Variants in HHAT observed in about 807,000 individuals in gnomAD.
HHAT encodes the protein protein-cysteine N-palmitoyltransferase HHAT.
In HHAT, 47 loss-of-function variants were observed where a neutral mutation model predicts 70.8. The ratio of observed to expected loss-of-function variants is 0.66; its 90% confidence interval spans 0.53 to 0.85. The LOEUF is 0.85. Among genes scored for constraint, HHAT ranks in the 40% least tolerant of loss-of-function variants. The pLI is 0.00. For missense variants in HHAT, 609 were observed against 604.8 expected (o/e 1.01, Z -0.07); for synonymous variants, 228 against 247.6 (o/e 0.92, Z 0.74).
At chr1:210,487,607 T>C (rs1423886690) in intron 8 of HHAT, among the ~76,000 whole-genome samples, 1 of 152,212 alleles carries the variant, frequency 6.6e-6, no homozygotes, top group African/African-American at 2.4e-5. Flanking sequence ...GATCCAGAGA[T>C]GCTGGTGAAG....
intron 6 of HHAT, 83 bp downstream of exon 6, chr1:210,404,762 CG>C: frequency 8.7e-7 from 1 of 1,152,874 alleles, no homozygotes; most frequent in Non-Finnish European, 1.2e-6. Flanking sequence ...ACTCTTGAGT[CG>C]TTTTGTTCAG....
chr1:210,479,283 T>C (rs1036809788), intron 8 of HHAT, among the ~76,000 whole-genome samples: 2 of 152,204 alleles, frequency 1.3e-5, no homozygotes, highest in Non-Finnish European at 2.9e-5. Flanking sequence ...GGAGTATTTA[T>C]TGAGCACCTA....
At chr1:210,519,530 T>A (rs555418061) in intron 9 of HHAT, among the ~76,000 whole-genome samples, 12,320 of 147,718 alleles carry the variant, frequency 0.083, 1,274 homozygotes, top group East Asian at 0.31. Flanking sequence ...TTCTTTGCTT[T>A]TTTTTTTTTT....
intron 10 of HHAT, among the ~76,000 whole-genome samples, chr1:210,609,428 A>T (rs1032825005): frequency 6.6e-6 from 1 of 151,780 alleles, no homozygotes; most frequent in Non-Finnish European, 1.5e-5. Flanking sequence ...ATGGTGTGTT[A>T]ATTCTTGCAA....
At chr1:210,520,657 T>G (rs11119522) in intron 9 of HHAT, among the ~76,000 whole-genome samples, 97,405 of 151,970 alleles carry the variant, frequency 0.64, 33,126 homozygotes, top group Non-Finnish European at 0.77. Flanking sequence ...CCTCCTCCCA[T>G]TGTCTCTGAA....
intron 11 of HHAT, among the ~76,000 whole-genome samples, chr1:210,633,815 C>T (rs892310267): frequency 1.2e-4 from 18 of 152,150 alleles, no homozygotes; most frequent in African/African-American, 4.3e-4. Context: ...AAGCCTTTGT[C>T]CCCTGGGCGC....
At chr1:210,490,931 T>C (rs994356423) in intron 8 of HHAT, among the ~76,000 whole-genome samples, 2 of 152,060 alleles carry the variant, frequency 1.3e-5, no homozygotes, top group Non-Finnish European at 2.9e-5. Flanking sequence ...TAACACATTG[T>C]AAGGAGCATA....
rs558534018 is a variant in HHAT, at chr1:210,543,946, G to T, written c.1043+30758G>T. On this transcript the variant is annotated intron_variant, in intron 9 of 11. Transcript: ENST00000261458. ...CTCCACCTTCCACATAATCTAGATA[G>T]CTGAAGCAGTTCTTGGTCCCAGAAC... Among the ~76,000 whole-genome samples the T allele has an allele frequency of 2.0e-5, 3 of 152,262 alleles. No individual in the cohort carries two copies. The East Asian group carries it at 5.8e-4, about 29-fold the overall frequency.
intron 5 of HHAT, among the ~76,000 whole-genome samples, chr1:210,402,104 A>G (rs184071422): frequency 2.6e-5 from 4 of 152,300 alleles, no homozygotes; most frequent in African/African-American, 7.2e-5. Context: ...GTCTGTGTGG[A>G]ACTCTCAACC....
intron 9 of HHAT, among the ~76,000 whole-genome samples, chr1:210,540,594 AAC>A (rs1260084421): frequency 6.6e-6 from 1 of 151,778 alleles, no homozygotes; most frequent in Non-Finnish European, 1.5e-5. Context: ...ATATATAGAA[AAC>A]ACACACTATG....
At position 210,400,614 on chromosome 1, in the gene HHAT, T is replaced by TCTC. The variant is rs745389003; in HGVS notation, c.430_432dup (p.Leu144dup). The TCTC allele has an allele frequency of 6.2e-7, 1 of 1,614,046 alleles. No individual in the cohort carries two copies. On this transcript the variant is annotated inframe_insertion, in exon 5 of 12. Transcript: ENST00000261458. ...CTCAGCTCCTGACGTGGCTCTGTTC[T>TCTC]CTCCTCCTCCTCTCCACACTGAGGC...
Position 210,588,033 on chromosome 1 carries a change from G to A in HHAT, c.1179G>A (p.Trp393Ter), listed in dbSNP as rs745572125. ...TCTGGTGCTGGGCAGCGCTCAACTG[G>A]CTGGGAGTCACTGTGGAGAATGGAG... ...DYLWCWAALN[W>*]LGVTVENGVR... The change falls in exon 10 of 12, where the codon TGG becomes TGA. Residue 393 changes from tryptophan (W) to a stop codon, truncating the protein, a stop_gained. Coordinates refer to ENST00000261458, the MANE Select transcript of HHAT (RefSeq NM_018194.6). LOFTEE classifies it high-confidence loss of function. The A allele has an allele frequency of 1.9e-6, 3 of 1,613,764 alleles. No individual in the cohort carries two copies. Among genetic ancestry groups the A allele is most frequent in the East Asian group, 4.5e-5 (2 of 44,854 alleles).
chr1:210,523,382 G>A (rs2095191324), intron 9 of HHAT, among the ~76,000 whole-genome samples: 1 of 152,158 alleles, frequency 6.6e-6, no homozygotes, highest in African/African-American at 2.4e-5. Flanking sequence ...CTCAGATGCT[G>A]CCTTCTCTGT....
At chr1:210,638,644 G>A (rs1328962667) in intron 11 of HHAT, among the ~76,000 whole-genome samples, 1 of 146,592 alleles carries the variant, frequency 6.8e-6, no homozygotes, top group Non-Finnish European at 1.5e-5. Context: ...ACTTTGGCAG[G>A]TTGAGACAGG....
intron 10 of HHAT, among the ~76,000 whole-genome samples, chr1:210,595,117 C>T (rs1454762923): frequency 2.0e-5 from 3 of 151,988 alleles, no homozygotes; most frequent in Admixed American, 6.6e-5. Flanking sequence ...CCTCCCCACT[C>T]CCCCCACCCC....
At chr1:210,655,726 G>A (rs758406896) in intron 11 of HHAT, among the ~76,000 whole-genome samples, 10 of 152,148 alleles carry the variant, frequency 6.6e-5, no homozygotes, top group South Asian at 2.1e-4. Context: ...TCATGAGTAC[G>A]TCATTTAAAA....
At chr1:210,369,256 A>G (rs1027567251) in intron 3 of HHAT, among the ~76,000 whole-genome samples, 1 of 152,262 alleles carries the variant, frequency 6.6e-6, no homozygotes, top group Non-Finnish European at 1.5e-5. Flanking sequence ...CTGAGGACAC[A>G]TTTTCCCATG....
intron 6 of HHAT, 56 bp downstream of exon 6, chr1:210,404,735 T>TG: frequency 7.1e-7 from 1 of 1,408,574 alleles, no homozygotes; most frequent in Non-Finnish European, 9.9e-7. Flanking sequence ...TTGTCGCTGT[T>TG]GCTCTGGTCT....
chr1:210,351,620 C>T (rs935141540), intron 2 of HHAT, among the ~76,000 whole-genome samples: 1 of 152,180 alleles, frequency 6.6e-6, no homozygotes, highest in Non-Finnish European at 1.5e-5. Flanking sequence ...GCTGGGGCTG[C>T]AGTCATCTGG....
Sources: allele counts gnomAD v4.1 joint callset (sites outside exome capture counted in the v4.1 genomes callset), GRCh38; gene constraint gnomAD v4.1.1; transcripts MANE v1.5; gene names NCBI Gene and HGNC (gene_info 2026-07-23, HGNC 2026-07-21).